Variants in NRG2 observed in about 807,000 individuals in gnomAD.
The protein encoded by NRG2 is neuregulin 2.
In NRG2, 27 loss-of-function variants were observed where a neutral mutation model predicts 73.9. That is an observed-to-expected ratio of 0.37 (90% CI 0.27 to 0.50). The LOEUF (loss-of-function observed/expected upper bound fraction) is 0.50, where lower values mean the gene tolerates loss of function less well. NRG2 is among the 20% of genes least tolerant of loss of function. The pLI is 0.96. For missense variants in NRG2, 1,126 were observed against 1,210.1 expected, an observed-to-expected ratio of 0.93 and a Z score of 1.03; for synonymous variants, 532 against 541.0, an observed-to-expected ratio of 0.98 and a Z score of 0.23.
chr5:139,872,740 T>G (rs1400144797), intron 3 of NRG2, among the ~76,000 whole-genome samples: 1 of 152,188 alleles, frequency 6.6e-6, no homozygotes, highest in Admixed American at 6.5e-5. Context: ...CTGGACTCAT[T>G]TGAGAAATGA....
chr5:139,906,126 G>C (rs1308282335), intron 1 of NRG2, among the ~76,000 whole-genome samples: 1 of 152,056 alleles, frequency 6.6e-6, no homozygotes, highest in Non-Finnish European at 1.5e-5. Flanking sequence ...TCCTGCCTTA[G>C]CCTCCTGAGT....
chr5:139,881,944 T>C (rs1054850657), intron 2 of NRG2, among the ~76,000 whole-genome samples: 17 of 152,326 alleles, frequency 1.1e-4, no homozygotes, highest in Middle Eastern at 3.4e-3. Flanking sequence ...CAAGGGCCTG[T>C]TCACAGCCCT....
At chr5:139,925,995 C>G (rs1752030338) in intron 1 of NRG2, among the ~76,000 whole-genome samples, 1 of 152,232 alleles carries the variant, frequency 6.6e-6, no homozygotes, top group Non-Finnish European at 1.5e-5. Context: ...CCTTCCAACT[C>G]AGCCCCCTGC....
chr5:139,996,177 TTTTG>T (rs1757996939), intron 1 of NRG2, among the ~76,000 whole-genome samples: 1 of 152,252 alleles, frequency 6.6e-6, no homozygotes, highest in African/African-American at 2.4e-5. Flanking sequence ...AGAAGCCATG[TTTTG>T]TTTGTTACTG....
In NRG2 at chr5:139,852,659, T is replaced by C. The variant is rs143785788; in HGVS notation, c.1417-100A>G. ...TGATGAGCACTGACTGAGCTCCTGG[T>C]TGGGGAGACCCACTGTGTGAGAGTG... On this transcript the variant is annotated intron_variant, in intron 7 of 9. Coordinates refer to ENST00000361474, the MANE Select transcript of NRG2 (RefSeq NM_004883.3). The surrounding 1 kb of genome is among the most constrained non-coding windows in gnomAD (Gnocchi z 4.4). The C allele has an allele frequency of 3.5e-4, 529 of 1,528,628 alleles. 2 individuals carry two copies. The African/African-American group carries it at 6.3e-3, about 18-fold the overall frequency. The allele number at this position is 1,528,628 out of a possible 1,614,324, so 94.7% of individuals were successfully genotyped here.
intron 1 of NRG2, among the ~76,000 whole-genome samples, chr5:139,960,978 C>T (rs1248472419): frequency 6.6e-6 from 1 of 152,148 alleles, no homozygotes; most frequent in Admixed American, 6.5e-5. Flanking sequence ...TCGTTGGGGC[C>T]TTCATTTCTC....
At chr5:139,958,772 A>G (rs1754834067) in intron 1 of NRG2, among the ~76,000 whole-genome samples, 1 of 152,194 alleles carries the variant, frequency 6.6e-6, no homozygotes, top group East Asian at 1.9e-4. Flanking sequence ...ACCCCTGTCC[A>G]CCACTCACGT....
intron 1 of NRG2, among the ~76,000 whole-genome samples, chr5:139,932,490 T>G (rs1358270737): frequency 6.6e-6 from 1 of 151,436 alleles, no homozygotes; most frequent in African/African-American, 2.4e-5. Flanking sequence ...AGGTAGGAAA[T>G]TGGGAGATGG....
intron 1 of NRG2, among the ~76,000 whole-genome samples, chr5:140,004,339 A>C (rs890379215): frequency 1.3e-5 from 2 of 152,238 alleles, no homozygotes; most frequent in Non-Finnish European, 2.9e-5. Flanking sequence ...TTTTGCAGAT[A>C]AGACTTACCA....
chr5:139,866,388 AC>A (rs1234304681), intron 4 of NRG2, among the ~76,000 whole-genome samples: 4 of 152,132 alleles, frequency 2.6e-5, no homozygotes, highest in African/African-American at 9.7e-5. Context: ...TTTTTGAGGA[AC>A]CCTTGTGGTA....
At chr5:139,990,273 ATATTT>A (rs56983805) in intron 1 of NRG2, among the ~76,000 whole-genome samples, 15,521 of 145,796 alleles carry the variant, frequency 0.11, 2,547 homozygotes, top group African/African-American at 0.36. Context: ...CCCACTAGCA[ATATTT>A]TATTTTATTT....
At position 139,853,007 on chromosome 5, in the gene NRG2, T is replaced by G. The variant is rs780416869; in HGVS notation, c.1313A>C (p.His438Pro). 12 of 1,613,218 alleles carry G rather than the reference T, an allele frequency of 7.4e-6. No homozygotes were observed. The East Asian group carries it at 2.2e-4, about 30-fold the overall frequency. ...GCACATGTTCTGCCGGAGGTGGTTG[T>G]GCATCTGCTTCCGCTGTTTTCTGCA... ...CKTKKQRKQM[H>P]NHLRQNMCPA... The change falls in exon 7 of 10, where the codon CAC becomes CCC. Residue 438 changes from histidine to proline, a missense_variant. Around this residue, in one of 3 missense-constraint regions of NRG2, gnomAD observed 539 missense variants for 703.2 expected, o/e 0.77. Transcript: ENST00000361474. This position sits in a 1 kb window ranked among gnomAD's most constrained non-coding sequence, Gnocchi z 4.1.
At chr5:139,918,401 A>T (rs1432025604) in intron 1 of NRG2, among the ~76,000 whole-genome samples, 1 of 152,208 alleles carries the variant, frequency 6.6e-6, no homozygotes, top group African/African-American at 2.4e-5. Flanking sequence ...TTTTAGCTAA[A>T]AAAAACTAAA....
intron 1 of NRG2, among the ~76,000 whole-genome samples, chr5:139,891,349 C>A (rs1764202364): frequency 6.6e-6 from 1 of 152,188 alleles, no homozygotes; most frequent in Admixed American, 6.5e-5. Context: ...AAAGTAATCG[C>A]CGGCCACCAA....
Position 139,865,046 on chromosome 5 carries a change from G to GC in NRG2, c.1189+502dup, listed in dbSNP as rs146312142. On this transcript the variant is annotated intron_variant, in intron 5 of 9. Coordinates refer to ENST00000361474, the MANE Select transcript of NRG2 (RefSeq NM_004883.3). This position sits in a 1 kb window ranked among gnomAD's most constrained non-coding sequence, Gnocchi z 5.2. ...TCTCCCCCTAGTCTTGCTAAGCAAGGCCCCATCCCTCCCCAGGGGGAGACT... is the reference window on the plus strand; with the variant it reads ...TCTCCCCCTAGTCTTGCTAAGCAAGGCCCCCATCCCTCCCCAGGGGGAGACT... The GC allele has an allele frequency of 2.4e-3, 3,272 of 1,347,524 alleles. 49 individuals are homozygous for GC. The African/African-American group carries it at 0.041, about 17-fold the overall frequency. 83.5% of individuals were successfully genotyped at this position (1,347,524 alleles called of 1,614,324 possible).
chr5:140,012,448 G>A (rs1228506999), intron 1 of NRG2, among the ~76,000 whole-genome samples: 1 of 152,134 alleles, frequency 6.6e-6, no homozygotes, highest in African/African-American at 2.4e-5. Flanking sequence ...CTCATAAGTG[G>A]TCATTCCAAT....
intron 3 of NRG2, 98 bp from the exon 4 acceptor site, chr5:139,871,939 C>A: frequency 1.3e-6 from 2 of 1,502,282 alleles, no homozygotes; most frequent in Non-Finnish European, 1.8e-6. Context: ...TGGAAGATGA[C>A]CAGAGGCTGC....
intron 1 of NRG2, among the ~76,000 whole-genome samples, chr5:139,889,972 C>A (rs1387456822): frequency 6.6e-6 from 1 of 152,194 alleles, no homozygotes; most frequent in African/African-American, 2.4e-5. Flanking sequence ...TTATTATTCA[C>A]AATTATTTCC....
chr5:139,968,911 G>A (rs1393352029), intron 1 of NRG2, among the ~76,000 whole-genome samples: 1 of 152,242 alleles, frequency 6.6e-6, no homozygotes, highest in Non-Finnish European at 1.5e-5. Flanking sequence ...TGCAGGAGCT[G>A]AGACGCAGCC....
Sources: allele counts gnomAD v4.1 joint callset (sites outside exome capture counted in the v4.1 genomes callset), GRCh38; gene constraint gnomAD v4.1.1; regional missense constraint gnomAD v4.1.1; non-coding constraint Gnocchi (gnomAD v3.1); transcripts MANE v1.5; gene names NCBI Gene and HGNC (gene_info 2026-07-23, HGNC 2026-07-21).